GPHN: variants seen among roughly 807,000 people sequenced by gnomAD.
GPHN encodes gephyrin.
Under a neutral mutation model 95.5 loss-of-function variants are expected in GPHN, and 17 were observed. The observed-to-expected ratio is 0.18, with a 90% CI of 0.12 to 0.27. The LOEUF (loss-of-function observed/expected upper bound fraction) is 0.27. Ranked by LOEUF, GPHN falls within the 10% of genes least tolerant of loss-of-function variation. GPHN has a pLI of 1.00. For synonymous variants in GPHN, 320 were observed against 322.5 expected (o/e 0.99, Z 0.08); for missense variants, 660 against 978.1 (o/e 0.67, Z 4.34).
chr14:66,559,062 T>G (rs2060122503), intron 1 of GPHN, among the ~76,000 whole-genome samples: 1 of 152,168 alleles, frequency 6.6e-6, no homozygotes. Context: ...ACAAAGGACA[T>G]GAACTCATCA....
At chr14:67,556,035 G>A in the GPHN span, 12 of 1,072,682 alleles carry the variant, frequency 1.1e-5, no homozygotes, top group Non-Finnish European at 1.2e-5. Context: ...CTTTCTGTGG[G>A]AGTAGAGTCT....
the GPHN span, among the ~76,000 whole-genome samples, chr14:67,230,094 A>G: frequency 1.3e-5 from 2 of 152,218 alleles, no homozygotes; most frequent in Non-Finnish European, 2.9e-5. Context: ...TTTTCTTCAT[A>G]CAGATTATCT....
At chr14:67,561,290 G>A in the GPHN span, among the ~76,000 whole-genome samples, 1,072 of 152,328 alleles carry the variant, frequency 7.0e-3, 13 homozygotes, top group African/African-American at 0.024. Context: ...GCTCACACCT[G>A]TAGTCCCAGC....
intron 1 of GPHN, among the ~76,000 whole-genome samples, chr14:66,609,821 T>C (rs183169360): frequency 1.1e-4 from 17 of 152,270 alleles, no homozygotes; most frequent in South Asian, 8.3e-4. Flanking sequence ...TATTTTGTCT[T>C]TCAGCTCTTG....
At chr14:67,473,285 G>T in the GPHN span, 1 of 1,256,926 alleles carries the variant, frequency 8.0e-7, no homozygotes, top group East Asian at 2.3e-5. The surrounding 1 kb of genome is among the most constrained non-coding windows in gnomAD (Gnocchi z 6.5). Flanking sequence ...GACGTTAGGG[G>T]GCTCTGTGTG....
intron 11 of GPHN, among the ~76,000 whole-genome samples, chr14:67,085,329 C>G (rs1225917038): frequency 6.6e-6 from 1 of 152,184 alleles, no homozygotes; most frequent in Non-Finnish European, 1.5e-5. Context: ...ATCAAGTGAG[C>G]TGATATTCTT....
chr14:66,861,898 CAAAT>C (rs1424286697), intron 4 of GPHN, among the ~76,000 whole-genome samples: 1 of 151,672 alleles, frequency 6.6e-6, no homozygotes, highest in Non-Finnish European at 1.5e-5. Flanking sequence ...GGAAAAAATT[CAAAT>C]AAATAACCTA....
the GPHN span, among the ~76,000 whole-genome samples, chr14:67,489,757 G>A: frequency 2.0e-5 from 3 of 152,302 alleles, no homozygotes; most frequent in South Asian, 4.1e-4. Context: ...TTGGGAGGCC[G>A]AGGCGGGCGG....
intron 17 of GPHN, among the ~76,000 whole-genome samples, chr14:67,139,929 G>T (rs755845748): frequency 1.3e-5 from 2 of 152,062 alleles, no homozygotes; most frequent in Non-Finnish European, 2.9e-5. Flanking sequence ...AGAGTACAAA[G>T]TATCATTGAG....
the GPHN span, chr14:67,718,012 AAGAC>A: frequency 6.6e-6 from 1 of 152,248 alleles, no homozygotes; most frequent in Non-Finnish European, 1.5e-5. Context: ...TTCTTTGAGA[AAGAC>A]AGTGTGTTTA....
chr14:67,573,287 G>A, the GPHN span: 4 of 1,611,192 alleles, frequency 2.5e-6, no homozygotes, highest in Admixed American at 1.7e-5. The surrounding 1 kb of genome is among the most constrained non-coding windows in gnomAD (Gnocchi z 4.8). Flanking sequence ...AGTCACTGGA[G>A]AAGTCGGGCT....
chr14:67,540,088 A>G, the GPHN span, among the ~76,000 whole-genome samples: 4 of 152,184 alleles, frequency 2.6e-5, no homozygotes, highest in Non-Finnish European at 4.4e-5. Context: ...AGGAAGGAAA[A>G]GGGGATTTTG....
intron 3 of GPHN, among the ~76,000 whole-genome samples, chr14:66,787,009 G>A (rs535784022): frequency 6.6e-6 from 1 of 152,210 alleles, no homozygotes; most frequent in South Asian, 2.1e-4. Context: ...TACTAGAAAT[G>A]CTAGGTAGCA....
the GPHN span, among the ~76,000 whole-genome samples, chr14:67,395,805 T>C: frequency 6.6e-6 from 1 of 152,176 alleles, no homozygotes; most frequent in Non-Finnish European, 1.5e-5. Flanking sequence ...GACAAGGTAG[T>C]TACTGTAGGG....
the GPHN span, among the ~76,000 whole-genome samples, chr14:67,416,523 C>T: frequency 6.6e-6 from 1 of 152,234 alleles, no homozygotes; most frequent in Non-Finnish European, 1.5e-5. Context: ...GCTAGAAGTA[C>T]AGGCAGGAAA....
At chr14:67,471,240 A>T in the GPHN span, 58 of 152,376 alleles carry the variant, frequency 3.8e-4, no homozygotes, top group African/African-American at 1.3e-3. Flanking sequence ...GAGCAGCAAG[A>T]CCTGGTGGGC....
chr14:67,057,069 A>T (rs1297484995), intron 10 of GPHN, among the ~76,000 whole-genome samples: 1 of 150,558 alleles, frequency 6.6e-6, no homozygotes, highest in East Asian at 2.0e-4. Context: ...CTCCCTCCAC[A>T]CCTCCCTGCA....
In GPHN at chr14:66,797,423, A is replaced by T. The variant is rs569622230; in HGVS notation, c.201+20902A>T. Among the ~76,000 whole-genome samples, 4 of 152,050 alleles carry T rather than the reference A, an allele frequency of 2.6e-5. No homozygotes were observed. The East Asian group carries it at 7.7e-4, about 29-fold the overall frequency. Reference sequence around the variant, plus strand: ...ATTAAATCTGTAGATTGCTTTGGGTACTATGAACATTTTAACAATAGTTAC... The same window carrying T: ...ATTAAATCTGTAGATTGCTTTGGGTTCTATGAACATTTTAACAATAGTTAC... On this transcript the variant is annotated intron_variant, in intron 3 of 22. Transcript: ENST00000478722.
intron 1 of GPHN, among the ~76,000 whole-genome samples, chr14:66,660,509 T>G (rs980450622): frequency 1.3e-5 from 2 of 152,200 alleles, no homozygotes; most frequent in Non-Finnish European, 2.9e-5. Flanking sequence ...GTAAAAAGTT[T>G]TCTTAGTTTT....
Sources: allele counts gnomAD v4.1 joint callset (sites outside exome capture counted in the v4.1 genomes callset), GRCh38; gene constraint gnomAD v4.1.1; non-coding constraint Gnocchi (gnomAD v3.1); transcripts MANE v1.5; gene names NCBI Gene and HGNC (gene_info 2026-07-23, HGNC 2026-07-21).